DNAH8: variants seen among roughly 807,000 people sequenced by gnomAD.
The protein encoded by DNAH8 is axonemal beta dynein heavy chain 8.
DNAH8 carries 382 observed loss-of-function variants against 562.1 expected under a neutral mutation model. That is an observed-to-expected ratio of 0.68 (90% CI 0.63 to 0.74). The LOEUF is 0.74. Among genes scored for constraint, DNAH8 ranks in the 30% least tolerant of loss-of-function variants. DNAH8 has a pLI of 0.00. For synonymous variants in DNAH8, 1,881 were observed against 1,919.4 expected, an observed-to-expected ratio of 0.98 and a Z score of 0.52; for missense variants, 5,203 against 5,620.4, an observed-to-expected ratio of 0.93 and a Z score of 2.37.
At position 38,761,758 on chromosome 6, in the gene DNAH8, C is replaced by A; in HGVS notation, c.1572C>A (p.Asn524Lys). 6.4e-7 allele frequency: 1 copy of A among 1,563,932 alleles called. No homozygotes were observed. Among genetic ancestry groups the A allele is most frequent in the Non-Finnish European group, 8.6e-7 (1 of 1,159,600 alleles). ...CKAYITDGGL[N>K]HVWDQETPVV... ...CATATATTACTGATGGAGGATTAAA[C>A]CATGTATGGGATCAGGAAACGCCAG... The change falls in exon 11 of 93, where the codon AAC (asparagine) becomes AAA (lysine). Residue 524 changes from asparagine (N) to lysine (K), a missense_variant. Coordinates refer to ENST00000327475, the MANE Select transcript of DNAH8 (RefSeq NM_001206927.2).
intron 8 of DNAH8, among the ~76,000 whole-genome samples, chr6:38,742,798 C>T (rs569575365): frequency 8.0e-4 from 122 of 152,056 alleles, no homozygotes; most frequent in African/African-American, 2.8e-3. Context: ...TTATTTTTTC[C>T]TCAACATCTT....
chr6:38,746,197 A>G lies in DNAH8; in HGVS notation c.1294-4279A>G, dbSNP rs566005858. On this transcript the variant is annotated intron_variant, in intron 8 of 92. Coordinates refer to ENST00000327475, the MANE Select transcript of DNAH8 (RefSeq NM_001206927.2). ...TATTTGATCGTTTATTTTCATTAATATAGCCTCATGGGTATTTATTTCATG... is the reference window on the plus strand; with the variant it reads ...TATTTGATCGTTTATTTTCATTAATGTAGCCTCATGGGTATTTATTTCATG... Among the ~76,000 whole-genome samples, 5 of 152,210 alleles carry G rather than the reference A, an allele frequency of 3.3e-5. 1 individual carries two copies. The highest frequency in any genetic ancestry group is 7.3e-5 in the Non-Finnish European group (5 of 68,042).
Position 39,030,443 on chromosome 6 carries a change from T to C in DNAH8, c.*51T>C, listed in dbSNP as rs1044892048. On this transcript the variant is annotated 3_prime_UTR_variant, in exon 93 of 93. Transcript: ENST00000327475. Reference sequence around the variant, plus strand: ...CAGAACCCACATAGACAGCCTGTGCTATTGAGGGACTCAGTGATGTGTGTG... The same window carrying C: ...CAGAACCCACATAGACAGCCTGTGCCATTGAGGGACTCAGTGATGTGTGTG... The C allele has an allele frequency of 4.0e-6, 6 of 1,500,658 alleles. No individual in the cohort carries two copies. The African/African-American group carries it at 5.5e-5, about 14-fold the overall frequency. 93.0% of individuals were successfully genotyped at this position (1,500,658 alleles called of 1,614,324 possible). A position where few individuals can be genotyped will look rare whatever the true frequency, so the allele number is the denominator to read the frequency against.
rs1331842599 is a variant in DNAH8 at position 38,823,634 on chromosome 6, G to T, written c.3793G>T (p.Glu1265Ter). The change falls in exon 28 of 93, where the codon GAG becomes TAG. Residue 1265 changes from glutamate to a stop codon, truncating the protein, a stop_gained. Transcript: ENST00000327475. LOFTEE classifies it high-confidence loss of function. ...TCTACACTATGCTACTTTTGAACAG[G>T]AGATTGATGAGTTGAAGCCTATTAT... The part of the protein sequence containing the change: ...EILHYATFEQ[E>*]IDELKPIIVV... 6.2e-7 allele frequency: 1 copy of T among 1,608,228 alleles called. No homozygotes were observed. The highest frequency in any genetic ancestry group is 8.5e-7 in the Non-Finnish European group (1 of 1,175,136).
chr6:38,738,374 CAAA>C (rs1294954179), intron 7 of DNAH8, among the ~76,000 whole-genome samples: 1 of 152,158 alleles, frequency 6.6e-6, no homozygotes, highest in Non-Finnish European at 1.5e-5. Context: ...TCTGTGCTGT[CAAA>C]GAAGTTCAGA....
intron 28 of DNAH8, among the ~76,000 whole-genome samples, chr6:38,825,438 G>A (rs1773227470): frequency 6.6e-6 from 1 of 152,128 alleles, no homozygotes; most frequent in Non-Finnish European, 1.5e-5. Context: ...TATGTTAAGG[G>A]AGAAAAGGTT....
intron 71 of DNAH8, among the ~76,000 whole-genome samples, chr6:38,922,828 T>C (rs1343500494): frequency 1.3e-5 from 2 of 152,222 alleles, no homozygotes; most frequent in African/African-American, 4.8e-5. Context: ...ATTATGTGAT[T>C]TGGATTCTGT....
intron 37 of DNAH8, among the ~76,000 whole-genome samples, chr6:38,849,553 A>G (rs1415113287): frequency 2.0e-5 from 3 of 150,998 alleles, no homozygotes; most frequent in Admixed American, 1.3e-4. Context: ...AATCAAGGAT[A>G]AAAGAGGTTT....
intron 29 of DNAH8, among the ~76,000 whole-genome samples, chr6:38,826,806 A>G (rs1026313895): frequency 2.6e-5 from 4 of 152,228 alleles, no homozygotes; most frequent in African/African-American, 9.6e-5. Context: ...AGTATGGCAG[A>G]AACAGTTCCC....
intron 83 of DNAH8, among the ~76,000 whole-genome samples, chr6:38,972,639 G>A (rs993864332): frequency 6.6e-6 from 1 of 152,050 alleles, no homozygotes; most frequent in African/African-American, 2.4e-5. Flanking sequence ...TGGAATACTA[G>A]CCTTTATAAC....
At chr6:38,785,667 G>C (rs1199442523) in intron 17 of DNAH8, among the ~76,000 whole-genome samples, 1 of 150,586 alleles carries the variant, frequency 6.6e-6, no homozygotes, top group Non-Finnish European at 1.5e-5. Flanking sequence ...GGTGTGTGCC[G>C]TTCCCCTCCC....
intron 16 of DNAH8, among the ~76,000 whole-genome samples, chr6:38,781,668 T>A (rs1001883801): frequency 1.6e-4 from 24 of 152,112 alleles, no homozygotes; most frequent in Admixed American, 1.6e-3. Flanking sequence ...AAATAAAAAA[T>A]TTGAAAACAA....
chr6:38,822,743 A>G, intron 26 of DNAH8, 95 bp from the exon 27 acceptor site: 2 of 995,772 alleles, frequency 2.0e-6, no homozygotes, highest in Non-Finnish European at 2.8e-6. Flanking sequence ...ATCTTTAAGA[A>G]AATACAGTTT....
chr6:38,769,147 G>A (rs1242322839), intron 11 of DNAH8, among the ~76,000 whole-genome samples: 1 of 149,270 alleles, frequency 6.7e-6, no homozygotes, highest in Non-Finnish European at 1.5e-5. Context: ...ATTTTTGGAT[G>A]AGTTGGAGGA....
intron 1 of DNAH8, among the ~76,000 whole-genome samples, chr6:38,717,562 C>T (rs1032696073): frequency 3.3e-5 from 5 of 151,218 alleles, no homozygotes; most frequent in African/African-American, 9.7e-5. Context: ...TGAGCTTGAG[C>T]TCAGGAGTTT....
intron 60 of DNAH8, among the ~76,000 whole-genome samples, chr6:38,897,131 C>T (rs1428674988): frequency 6.6e-6 from 1 of 152,122 alleles, no homozygotes; most frequent in East Asian, 1.9e-4. Flanking sequence ...CTCCCAAATT[C>T]TGGAGTGACA....
intron 9 of DNAH8, among the ~76,000 whole-genome samples, chr6:38,753,226 T>C (rs754459678): frequency 1.8e-4 from 27 of 152,248 alleles, no homozygotes; most frequent in Non-Finnish European, 3.7e-4. Flanking sequence ...TAGGTATTTC[T>C]GTGCACGTGA....
chr6:38,780,037 A>G lies in DNAH8; in HGVS notation c.2111A>G (p.Tyr704Cys), dbSNP rs751104202. ...ACAATAGAGCGTATTCTTCAGTACT[A>G]TGTGGCTGAACTTGATGCTACTAAG... ...NHTIERILQYYVAELDATKKL... is the reference protein window; with the variant it reads ...NHTIERILQYCVAELDATKKL... The change falls in exon 15 of 93, where the codon TAT becomes TGT. Residue 704 changes from tyrosine to cysteine, a missense_variant. Physicochemically the swap from Tyr to Cys is radical, Grantham distance 194 (BLOSUM62 -2). Coordinates refer to ENST00000327475, the MANE Select transcript of DNAH8 (RefSeq NM_001206927.2). 5.0e-6 allele frequency: 8 copies of G among 1,613,958 alleles called. No homozygotes were observed. Among genetic ancestry groups the G allele is most frequent in the South Asian group, 4.4e-5 (4 of 91,072 alleles).
In DNAH8 at chr6:38,763,738, C is replaced by T. The variant is rs191615720; in HGVS notation, c.1617+1935C>T. ...AGGATAATTGCTTGAGCCTGGGAGG[C>T]TGAGGCTGAGTGAGGTGAGCCGTGA... On this transcript the variant is annotated intron_variant, in intron 11 of 92. Coordinates refer to ENST00000327475, the MANE Select transcript of DNAH8 (RefSeq NM_001206927.2). 3.3e-3 allele frequency: 515 copies of T among 157,414 alleles called. 2 individuals carry two copies. Among genetic ancestry groups the T allele is most frequent in the African/African-American group, 0.011 (471 of 41,492 alleles). The allele number at this position is 157,414 out of a possible 1,614,324, so 9.8% of individuals were successfully genotyped here. A position where few individuals can be genotyped will look rare whatever the true frequency, so the allele number is the denominator to read the frequency against.
Sources: allele counts gnomAD v4.1 joint callset (sites outside exome capture counted in the v4.1 genomes callset), GRCh38; gene constraint gnomAD v4.1.1; transcripts MANE v1.5; gene names NCBI Gene and HGNC (gene_info 2026-07-23, HGNC 2026-07-21).